The following ADAD2 variants were observed in gnomAD, a reference collection of about 807,000 sequenced individuals.
The protein encoded by ADAD2 is adenosine deaminase domain-containing protein 2.
Under a neutral mutation model 54.5 loss-of-function variants are expected in ADAD2, and 60 were observed. The ratio of observed to expected loss-of-function variants is 1.10; its 90% CI spans 0.89 to 1.36. ADAD2 has a LOEUF of 1.36. Among genes scored for constraint, ADAD2 ranks in the 40% most tolerant of loss-of-function variants. ADAD2 has a pLI of 0.00. For missense variants in ADAD2, 1,103 were observed against 801.3 expected, an observed-to-expected ratio of 1.38 and a Z score of -4.54; for synonymous variants, 543 against 366.2, an observed-to-expected ratio of 1.48 and a Z score of -5.51.
intron 8 of ADAD2, 91 bp downstream of exon 8, chr16:84,196,461 GCAACCCCTTCGCTCAACCCCTTCGCT>G: frequency 3.5e-6 from 5 of 1,439,010 alleles, no homozygotes; most frequent in South Asian, 1.3e-5. Flanking sequence ...TAATCCCAGC[GCAACCCCTTCGCTCAACCCCTTCGCT>G]CAACCCCTTC....
chr16:84,194,534 G>T lies in ADAD2; in HGVS notation c.511G>T (p.Ala171Ser). 2.5e-6 allele frequency: 4 copies of T among 1,611,152 alleles called. No individual in the cohort carries two copies. The highest frequency in any genetic ancestry group is 3.4e-6 in the Non-Finnish European group (4 of 1,178,904). The part of the protein sequence containing the change: ...ANSKTEAKQQ[A>S]ALSALCYIRS... ...TAGCAAGACGGAGGCCAAACAGCAG[G>T]CAGCGCTCTCTGCCCTCTGCTACAT... is the stretch of plus-strand genomic sequence containing the variant. Residue 171 changes from alanine (A) to serine (S), a missense_variant, in exon 2 of 10, where the codon GCA becomes TCA. Coordinates refer to ENST00000315906, the MANE Select transcript of ADAD2 (RefSeq NM_001145400.2).
At chr16:84,195,467 C>T (rs372593622) in intron 5 of ADAD2, 21 bp downstream of exon 5, 57 of 1,606,038 alleles carry the variant, frequency 3.5e-5, no homozygotes, top group East Asian at 1.8e-4. Context: ...GTGGGGTGGG[C>T]GCCTGATAGC....
intron 1 of ADAD2, chr16:84,193,768 GTC>G: frequency 2.3e-6 from 1 of 436,772 alleles, no homozygotes; most frequent in Non-Finnish European, 4.1e-6. Context: ...TTCCACGTCT[GTC>G]TGTGGTTGCT....
chr16:84,195,764 G>T (rs1056004499), intron 6 of ADAD2, 51 bp from the exon 7 acceptor site: 2 of 1,542,920 alleles, frequency 1.3e-6, no homozygotes, highest in African/African-American at 1.4e-5. Flanking sequence ...GTGGGGGCCA[G>T]GGTCAGAAGA....
intron 1 of ADAD2, 39 bp from the exon 2 acceptor site, chr16:84,194,403 A>G (rs2089697916): frequency 6.3e-7 from 1 of 1,590,482 alleles, no homozygotes; most frequent in Non-Finnish European, 8.5e-7. Context: ...CACAGGGCGA[A>G]GGCCAGGGGG....
intron 1 of ADAD2, chr16:84,192,653 A>C (rs1198256460): frequency 6.6e-6 from 1 of 150,690 alleles, no homozygotes; most frequent in Non-Finnish European, 1.5e-5. Context: ...TGATTCTCCT[A>C]CCTCAGCCTC....
chr16:84,191,310 C>A lies in ADAD2; in HGVS notation c.80C>A (p.Pro27His), dbSNP rs761206279. 6.3e-7 allele frequency: 1 copy of A among 1,588,900 alleles called. No homozygotes were observed. Among genetic ancestry groups the A allele is most frequent in the South Asian group, 1.1e-5 (1 of 90,292 alleles). ...PRLAASLQISPQPRPWRPLPA... is the reference protein window; with the variant it reads ...PRLAASLQISHQPRPWRPLPA... ...CTGGCTGCATCGTTGCAGATCAGCC[C>A]CCAGCCCCGCCCCTGGCGACCGCTA... Residue 27 changes from proline to histidine, a missense_variant, in exon 1 of 10, where the codon CCC becomes CAC. Physicochemically the swap from Pro to His is moderately conservative, Grantham distance 77. Transcript: ENST00000315906.
At position 84,191,447 on chromosome 16, in the gene ADAD2, G is replaced by T; in HGVS notation, c.217G>T (p.Ala73Ser). 1 of 1,523,568 alleles carries T rather than the reference G, an allele frequency of 6.6e-7. No individual in the cohort carries two copies. Among genetic ancestry groups the T allele is most frequent in the Non-Finnish European group, 8.8e-7 (1 of 1,137,978 alleles). 94.4% of individuals were successfully genotyped at this position (1,523,568 alleles called of 1,614,324 possible). A position where few individuals can be genotyped will look rare whatever the true frequency, so the allele number is the denominator to read the frequency against. Reference sequence around the variant, plus strand: ...GAGGGACAGTGGGCCTGGGGCAGGGGCCGGAGTCGGGGAACTGGGGGCAGC... The same window carrying T: ...GAGGGACAGTGGGCCTGGGGCAGGGTCCGGAGTCGGGGAACTGGGGGCAGC... Reference protein sequence around the residue: ...VLRDSGPGAGAGVGELGAARA... With the variant: ...VLRDSGPGAGSGVGELGAARA... Residue 73 changes from alanine to serine, a missense_variant, in exon 1 of 10, where the codon GCC becomes TCC. Ala to Ser is a moderately conservative substitution (Grantham distance 99). Coordinates refer to ENST00000315906, the MANE Select transcript of ADAD2 (RefSeq NM_001145400.2).
chr16:84,195,300 C>T lies in ADAD2; in HGVS notation c.738C>T (p.Ile246=). 1 of 1,611,814 alleles carries T rather than the reference C, an allele frequency of 6.2e-7. No individual in the cohort carries two copies. The highest frequency in any genetic ancestry group is 1.1e-5 in the South Asian group (1 of 91,070). The change falls in exon 5 of 10, where the codon ATC becomes ATT. Residue 246 remains isoleucine (I), a synonymous_variant. Transcript: ENST00000315906. ...TVAGVILERE[I]PRARGHVKEI... ...TCTCTGCCCCCTCCTGCACAGAGAT[C>T]CCGCGTGCCAGGGGCCACGTGAAGG...
chr16:84,192,112 C>T (rs1390372324), intron 1 of ADAD2, among the ~76,000 whole-genome samples: 1 of 152,088 alleles, frequency 6.6e-6, no homozygotes, highest in African/African-American at 2.4e-5. Context: ...CAATACATAC[C>T]CCTTAAATCC....
At chr16:84,195,029 G>T (rs751088707) in intron 3 of ADAD2, 40 bp from the exon 4 acceptor site, 9 of 1,612,286 alleles carry the variant, frequency 5.6e-6, no homozygotes, top group Non-Finnish European at 7.6e-6. Flanking sequence ...GGGGAGAGGC[G>T]TGGGCCCCCT....
In ADAD2 at chr16:84,195,144, C is replaced by T. The variant is rs141987575; in HGVS notation, c.683C>T (p.Ser228Leu). 10 of 1,613,570 alleles carry T rather than the reference C, an allele frequency of 6.2e-6. No individual in the cohort carries two copies. The highest frequency in any genetic ancestry group is 5.5e-5 in the South Asian group (5 of 91,074). The change falls in exon 4 of 10, where the codon TCG (serine) becomes TTG (leucine). Residue 228 changes from serine (S) to leucine (L), a missense_variant. Coordinates refer to ENST00000315906, the MANE Select transcript of ADAD2 (RefSeq NM_001145400.2). ...TTTGACCTCCTGTTGGACGAGCGCT[C>T]GCCATACTGGGCCTGTAAGGGGACT... ...AGFDLLLDER[S>L]PYWACKGTVA...
In ADAD2 at chr16:84,195,288, C is replaced by T. The variant is rs2089712714; in HGVS notation, c.734-8C>T. 6.2e-7 allele frequency: 1 copy of T among 1,612,136 alleles called. No individual in the cohort carries two copies. The highest frequency in any genetic ancestry group is 1.7e-5 in the Admixed American group (1 of 59,972). On this transcript the variant is annotated splice_region_variant and splice_polypyrimidine_tract_variant and intron_variant, in intron 4 of 9. Transcript: ENST00000315906. Reference sequence around the variant, plus strand: ...TAGGCTGGGCCGTCTCTGCCCCCTCCTGCACAGAGATCCCGCGTGCCAGGG... The same window carrying T: ...TAGGCTGGGCCGTCTCTGCCCCCTCTTGCACAGAGATCCCGCGTGCCAGGG...
chr16:84,195,857 C>T lies in ADAD2; in HGVS notation c.1095C>T (p.Pro365=), dbSNP rs372889766. Residue 365 remains proline, a synonymous_variant, in exon 7 of 10, where the codon CCC becomes CCT. Transcript: ENST00000315906. ...TSEGGLPHSP[P]MRLQAHVLGQ... is the part of the protein sequence containing the mutation. ...AAGGTGGCCTCCCGCACAGCCCACC[C>T]ATGCGCCTGCAGGCCCATGTGCTCG... 1.7e-5 allele frequency: 27 copies of T among 1,606,682 alleles called. No homozygotes were observed. The highest frequency in any genetic ancestry group is 2.1e-5 in the Non-Finnish European group (25 of 1,179,224).
In ADAD2 at chr16:84,195,893, G is replaced by C. The variant is rs1310224438; in HGVS notation, c.1131G>C (p.Lys377Asn). The C allele has an allele frequency of 6.2e-7, 1 of 1,603,246 alleles. No homozygotes were observed. The highest frequency in any genetic ancestry group is 1.1e-5 in the South Asian group (1 of 91,024). Residue 377 changes from lysine to asparagine, a missense_variant, in exon 7 of 10, where the codon AAG (lysine) becomes AAC (asparagine). Lys to Asn is a moderately conservative substitution (Grantham distance 94). Transcript: ENST00000315906. ...RLQAHVLGQL[K>N]PVCYVAPSLC... is the part of the protein sequence containing the mutation. ...AGGCCCATGTGCTCGGGCAGCTGAAGCCTGTGTGCTACGTGGCGCCCTCGC... is the reference window on the plus strand; with the variant it reads ...AGGCCCATGTGCTCGGGCAGCTGAACCCTGTGTGCTACGTGGCGCCCTCGC...
intron 1 of ADAD2, among the ~76,000 whole-genome samples, chr16:84,192,161 T>G (rs1365126029): frequency 6.6e-6 from 1 of 152,242 alleles, no homozygotes; most frequent in Non-Finnish European, 1.5e-5. Flanking sequence ...TGGATTTTTT[T>G]TGAGACAGGG....
chr16:84,195,203 CGCCCCAGCCCTG>C lies in ADAD2; in HGVS notation c.733+14_733+25del, dbSNP rs1166770079. 1 of 1,611,058 alleles carries C rather than the reference CGCCCCAGCCCTG, an allele frequency of 6.2e-7. No individual in the cohort carries two copies. Among genetic ancestry groups the C allele is most frequent in the African/African-American group, 1.3e-5 (1 of 74,906 alleles). The stretch of plus-strand genomic sequence containing the variant: ...AGTCATCCTGGAGAGGGGTAGGGAT[CGCCCCAGCCCTG>C]GCCCTGGCCCCGGCCCCCTGGGAAG... On this transcript the variant is annotated intron_variant, in intron 4 of 9. Coordinates refer to ENST00000315906, the MANE Select transcript of ADAD2 (RefSeq NM_001145400.2).
At position 84,196,867 on chromosome 16, in the gene ADAD2, T is replaced by C. The variant is rs2089738794; in HGVS notation, c.1648-3T>C. On this transcript the variant is annotated splice_polypyrimidine_tract_variant and splice_region_variant and intron_variant, in intron 9 of 9. Coordinates refer to ENST00000315906, the MANE Select transcript of ADAD2 (RefSeq NM_001145400.2). ...TCACCCCACCTCTCATCTCCCGCCC[T>C]AGGCTGGGCCCTACCAGGAGGCTCG... is the stretch of plus-strand genomic sequence containing the variant. The C allele has an allele frequency of 1.3e-6, 2 of 1,589,936 alleles. No individual in the cohort carries two copies. The highest frequency in any genetic ancestry group is 4.5e-5 in the East Asian group (2 of 44,134).
Position 84,195,804 on chromosome 16 carries a change from C to T in ADAD2, c.1053-11C>T, listed in dbSNP as rs767750522. On this transcript the variant is annotated splice_polypyrimidine_tract_variant and intron_variant, in intron 6 of 9. Transcript: ENST00000315906. ...CCCTGAAGCTGATGTCTGTCCCCAC[C>T]CGGCCCGCAGCCTGCCCCCCACCTC... 2 of 1,589,602 alleles carry T rather than the reference C, an allele frequency of 1.3e-6. No individual in the cohort carries two copies. The highest frequency in any genetic ancestry group is 3.5e-5 in the Admixed American group (2 of 57,600).
Sources: allele counts gnomAD v4.1 joint callset (sites outside exome capture counted in the v4.1 genomes callset), GRCh38; gene constraint gnomAD v4.1.1; transcripts MANE v1.5; gene names NCBI Gene and HGNC (gene_info 2026-07-23, HGNC 2026-07-21).